ACAP2: variants seen among roughly 807,000 people sequenced by gnomAD.
ACAP2 encodes ArfGAP with coiled-coil, ankyrin repeat and PH domains 2, also known as arf-GAP with coiled-coil, ANK repeat and PH domain-containing protein 2.
ACAP2 carries 39 observed loss-of-function variants against 115.8 expected under a neutral mutation model. The ratio of observed to expected loss-of-function variants is 0.34; its 90% confidence interval spans 0.26 to 0.44. The LOEUF (loss-of-function observed/expected upper bound fraction) is 0.44, where lower values mean the gene tolerates loss of function less well. Among genes scored for constraint, ACAP2 ranks in the 20% least tolerant of loss-of-function variants. The pLI is 1.00. For synonymous variants in ACAP2, 289 were observed against 315.8 expected (o/e 0.92, Z 0.90); for missense variants, 662 against 927.6 (o/e 0.71, Z 3.72).
At chr3:195,441,320 G>C (rs1465924296) in intron 1 of ACAP2, among the ~76,000 whole-genome samples, 1 of 152,110 alleles carries the variant, frequency 6.6e-6, no homozygotes, top group East Asian at 1.9e-4. Context: ...AAACCAACCT[G>C]CACGCCTGTC....
chr3:195,343,789 A>G (rs1227551972), intron 5 of ACAP2, among the ~76,000 whole-genome samples: 2 of 152,244 alleles, frequency 1.3e-5, no homozygotes, highest in African/African-American at 4.8e-5. Context: ...GCTAGGTAAA[A>G]TAACTTGAAG....
At chr3:195,407,028 G>A (rs1345489003) in intron 1 of ACAP2, among the ~76,000 whole-genome samples, 1 of 151,782 alleles carries the variant, frequency 6.6e-6, no homozygotes, top group East Asian at 1.9e-4. Flanking sequence ...CTTATAAAAG[G>A]ATCCTATGAG....
intron 4 of ACAP2, among the ~76,000 whole-genome samples, chr3:195,374,609 G>C (rs1472224048): frequency 6.6e-6 from 1 of 152,196 alleles, no homozygotes; most frequent in African/African-American, 2.4e-5. Context: ...TGCCTATATA[G>C]GCAGTTTCTC....
In ACAP2 at chr3:195,377,145, T is replaced by TTTTTTTTTTTTTTTTG. The variant is rs1733606842; in HGVS notation, c.285+3863_285+3864insCAAAAAAAAAAAAAAA. ...CAGAGGAGGAATGTAAATCTTTTTT[T>TTTTTTTTTTTTTTTTG]TTTTTTTTTTTTTTTTGGAAACAAG... On this transcript the variant is annotated intron_variant, in intron 4 of 22. Transcript: ENST00000326793. Among the ~76,000 whole-genome samples, 2 of 139,992 alleles carry TTTTTTTTTTTTTTTTG rather than the reference T, an allele frequency of 1.4e-5. 1 individual carries two copies. The highest frequency in any genetic ancestry group is 3.1e-5 in the Non-Finnish European group (2 of 65,276). The allele number at this position is 139,992 out of a possible 152,430, so 91.8% of individuals were successfully genotyped here.
At chr3:195,382,697 GA>G (rs1734030812) in intron 2 of ACAP2, among the ~76,000 whole-genome samples, 1 of 152,030 alleles carries the variant, frequency 6.6e-6, no homozygotes, top group Non-Finnish European at 1.5e-5. Context: ...AAAGAGCCAA[GA>G]AAAACTTTAG....
chr3:195,344,543 T>C (rs78217485), intron 5 of ACAP2, among the ~76,000 whole-genome samples: 1 of 152,016 alleles, frequency 6.6e-6, no homozygotes, highest in African/African-American at 2.4e-5. Context: ...TTTTTTTTTT[T>C]GAGTTTCACT....
At chr3:195,401,354 T>C (rs1272957671) in intron 1 of ACAP2, among the ~76,000 whole-genome samples, 5 of 152,216 alleles carry the variant, frequency 3.3e-5, no homozygotes, top group African/African-American at 1.2e-4. Flanking sequence ...TCATGCATGA[T>C]ATCACATGTG....
chr3:195,299,826 A>G (rs989507219), intron 15 of ACAP2, among the ~76,000 whole-genome samples: 1 of 152,172 alleles, frequency 6.6e-6, no homozygotes, highest in Non-Finnish European at 1.5e-5. Context: ...CGACACAGCG[A>G]GACTCCCTCT....
chr3:195,381,605 C>T (rs1301253220), intron 3 of ACAP2, among the ~76,000 whole-genome samples: 1 of 152,122 alleles, frequency 6.6e-6, no homozygotes, highest in African/African-American at 2.4e-5. Context: ...TCTTGATCTT[C>T]CTGCTCAGGC....
At chr3:195,349,737 C>T (rs748862334) in intron 4 of ACAP2, 5 of 209,642 alleles carry the variant, frequency 2.4e-5, no homozygotes, top group Non-Finnish European at 4.7e-5. Context: ...ACACCAGCAA[C>T]ATTCAGAAGC....
At chr3:195,357,301 T>G (rs1289849809) in intron 4 of ACAP2, among the ~76,000 whole-genome samples, 1 of 152,120 alleles carries the variant, frequency 6.6e-6, no homozygotes, top group Non-Finnish European at 1.5e-5. Flanking sequence ...TTAAACATAG[T>G]TGAATACAGT....
intron 10 of ACAP2, among the ~76,000 whole-genome samples, chr3:195,318,041 G>C (rs1446631021): frequency 1.3e-5 from 2 of 152,136 alleles, no homozygotes. Context: ...GATGGTGAGG[G>C]AGTTCTTAGG....
chr3:195,291,110 G>C lies in ACAP2; in HGVS notation c.2063+596C>G, dbSNP rs115685039. 5.7e-3 allele frequency among the ~76,000 whole-genome samples: 862 copies of C among 152,206 alleles called. 6 individuals are homozygous for C. The highest frequency in any genetic ancestry group is 0.02 in the African/African-American group (819 of 41,524). ...CGGATACCCTGAGATATCTTATTAA[G>C]AAACAAGCGTTTAAGACACAAATTT... On this transcript the variant is annotated intron_variant, in intron 20 of 22. Transcript: ENST00000326793.
rs113830959 is a variant in ACAP2, at chr3:195,431,604, A to ATT, written c.53+11189_53+11190dup. ...AGGTACATGCGACCATGCCCGACTA[A>ATT]TTTTTTTTTTTTTTTTGTATTTTTA... On this transcript the variant is annotated intron_variant, in intron 1 of 22. Transcript: ENST00000326793. Among the ~76,000 whole-genome samples the ATT allele has an allele frequency of 5.4e-3, 749 of 138,442 alleles. 11 individuals carry two copies. Among genetic ancestry groups the ATT allele is most frequent in the South Asian group, 0.036 (152 of 4,254 alleles). 90.8% of individuals were successfully genotyped at this position (138,442 alleles called of 152,430 possible).
At chr3:195,438,118 C>G (rs1715706227) in intron 1 of ACAP2, among the ~76,000 whole-genome samples, 1 of 150,770 alleles carries the variant, frequency 6.6e-6, no homozygotes, top group Non-Finnish European at 1.5e-5. Flanking sequence ...CTCTGCCTCC[C>G]AGGTTCAAGC....
At chr3:195,337,131 A>G (rs1577321187) in intron 6 of ACAP2, among the ~76,000 whole-genome samples, 155 bp from the exon 7 acceptor site, 1 of 152,240 alleles carries the variant, frequency 6.6e-6, no homozygotes, top group African/African-American at 2.4e-5. Flanking sequence ...ATCCTTTTGC[A>G]AAACACAGTT....
intron 15 of ACAP2, among the ~76,000 whole-genome samples, chr3:195,298,773 A>G (rs1182850383): frequency 6.6e-6 from 1 of 152,016 alleles, no homozygotes; most frequent in Non-Finnish European, 1.5e-5. Context: ...CTGGGATTAC[A>G]AGCATGCACC....
At position 195,342,674 on chromosome 3, in the gene ACAP2, G is replaced by C. The variant is rs746057432; in HGVS notation, c.345-20C>G. 6.4e-7 allele frequency: 1 copy of C among 1,570,954 alleles called. No individual in the cohort carries two copies. The highest frequency in any genetic ancestry group is 8.6e-7 in the Non-Finnish European group (1 of 1,164,728). ...AGATCTCTAAGAAAAGAAAAACTTA[G>C]TGAAACTTTTATAACTTGCTTCATT... On this transcript the variant is annotated intron_variant, in intron 5 of 22. Coordinates refer to ENST00000326793, the MANE Select transcript of ACAP2 (RefSeq NM_012287.6).
intron 4 of ACAP2, among the ~76,000 whole-genome samples, chr3:195,373,420 C>G (rs1438251590): frequency 6.6e-6 from 1 of 152,054 alleles, no homozygotes; most frequent in Non-Finnish European, 1.5e-5. Context: ...ATGAGAATAT[C>G]ACTGTCTTCC....
Sources: gnomAD v4.1 joint callset for allele counts (sites outside exome capture counted in the v4.1 genomes callset) on GRCh38, gnomAD v4.1.1 for gene constraint, MANE v1.5 for transcripts, NCBI Gene and HGNC (gene_info 2026-07-23, HGNC 2026-07-21) for gene names.